ATAD2B: variants seen among roughly 807,000 people sequenced by gnomAD.
The protein encoded by ATAD2B is ATPase family AAA domain containing 2B.
ATAD2B carries 40 observed loss-of-function variants against 167.6 expected under a neutral mutation model. The observed-to-expected ratio is 0.24, with a 90% CI of 0.19 to 0.31. The LOEUF (loss-of-function observed/expected upper bound fraction) is 0.31. ATAD2B is among the 10% of genes least tolerant of loss of function. ATAD2B has a pLI of 1.00. For missense variants in ATAD2B, 1,242 were observed against 1,757.2 expected, an observed-to-expected ratio of 0.71 and a Z score of 5.24; for synonymous variants, 579 against 596.5, an observed-to-expected ratio of 0.97 and a Z score of 0.43.
chr2:23,823,514 C>T lies in ATAD2B; in HGVS notation c.1875G>A (p.Leu625=). 1 of 1,613,620 alleles carries T rather than the reference C, an allele frequency of 6.2e-7. No individual in the cohort carries two copies. The highest frequency in any genetic ancestry group is 8.5e-7 in the Non-Finnish European group (1 of 1,179,896). ...CATAGATCTGGGGATAACGCCTCCG[C>T]AGTGCAATCAGGGCGGCTTCAGTGC... ...ALCTEAALIA[L]RRRYPQIYAS... Residue 625 remains leucine, a synonymous_variant, in exon 16 of 28, where the codon CTG becomes CTA. Coordinates refer to ENST00000238789, the MANE Select transcript of ATAD2B (RefSeq NM_017552.4).
At chr2:23,766,487 AGTT>A (rs1677425422) in intron 22 of ATAD2B, among the ~76,000 whole-genome samples, 1 of 152,336 alleles carries the variant, frequency 6.6e-6, no homozygotes, top group African/African-American at 2.4e-5. Context: ...CTGATTTGAA[AGTT>A]ATTATGGCTC....
chr2:23,700,700 C>G, the ATAD2B span, among the ~76,000 whole-genome samples: 1 of 152,170 alleles, frequency 6.6e-6, no homozygotes, highest in Non-Finnish European at 1.5e-5. This position sits in a 1 kb window ranked among gnomAD's most constrained non-coding sequence, Gnocchi z 4.6. Flanking sequence ...AAATTTCTTC[C>G]AAAAGAAGTC....
chr2:23,867,805 A>G lies in ATAD2B; in HGVS notation c.1188+30T>C, dbSNP rs1032570646. 7 of 1,501,742 alleles carry G rather than the reference A, an allele frequency of 4.7e-6. No homozygotes were observed. The Middle Eastern group carries it at 6.9e-4, about 149-fold the overall frequency. The allele number at this position is 1,501,742 out of a possible 1,614,324, so 93.0% of individuals were successfully genotyped here. On this transcript the variant is annotated intron_variant, in intron 10 of 27. Coordinates refer to ENST00000238789, the MANE Select transcript of ATAD2B (RefSeq NM_017552.4). ...AGAAAAAAACTTTTAAAAAAAAGAA[A>G]ACTTCTAGAAAAACATTTACAAAAC...
At chr2:23,695,776 C>A in the ATAD2B span, 1 of 1,551,276 alleles carries the variant, frequency 6.4e-7, no homozygotes, top group Non-Finnish European at 8.7e-7. The surrounding 1 kb of genome is among the most constrained non-coding windows in gnomAD (Gnocchi z 7.6). Context: ...GCCCCACGCC[C>A]GCCAGGAGAT....
At chr2:23,709,900 C>T in the ATAD2B span, among the ~76,000 whole-genome samples, 1 of 152,228 alleles carries the variant, frequency 6.6e-6, no homozygotes, top group African/African-American at 2.4e-5. Context: ...AAGAGAAACA[C>T]ATTCTCTGGG....
At chr2:23,737,241 G>C in the ATAD2B span, among the ~76,000 whole-genome samples, 6 of 152,224 alleles carry the variant, frequency 3.9e-5, no homozygotes, top group African/African-American at 1.4e-4. Flanking sequence ...AGAACGGGCA[G>C]ACTGCCTCCT....
the ATAD2B span, among the ~76,000 whole-genome samples, chr2:23,712,740 G>A: frequency 6.6e-5 from 10 of 152,092 alleles, no homozygotes; most frequent in African/African-American, 2.2e-4. Context: ...GTGCTGTTGG[G>A]AGTAGACAAA....
At chr2:23,842,057 CCAATCTGA>C (rs1441664989) in intron 13 of ATAD2B, among the ~76,000 whole-genome samples, 1 of 152,066 alleles carries the variant, frequency 6.6e-6, no homozygotes, top group Non-Finnish European at 1.5e-5. Flanking sequence ...TTTGTTTTTG[CCAATCTGA>C]CAATCTTTGT....
At chr2:23,839,297 T>C (rs912297572) in intron 13 of ATAD2B, among the ~76,000 whole-genome samples, 6 of 152,142 alleles carry the variant, frequency 3.9e-5, no homozygotes, top group Non-Finnish European at 7.4e-5. Flanking sequence ...GAAGTGTTCA[T>C]AGCAAAACAA....
intron 24 of ATAD2B, among the ~76,000 whole-genome samples, chr2:23,761,200 C>T (rs1036082312): frequency 5.9e-5 from 9 of 152,196 alleles, no homozygotes; most frequent in East Asian, 1.9e-4. Context: ...ACGGCATCAT[C>T]GAGTCCTTTC....
chr2:23,926,879 G>A lies in ATAD2B; in HGVS notation c.-109C>T. On this transcript the variant is annotated 5_prime_UTR_variant, in exon 1 of 28. Transcript: ENST00000238789. ...GGAGCCGAGCCGGGCAATGAGAGACGAGCCGGCCCGGAGCGTGCGGAGCGC... is the reference window on the plus strand; with the variant it reads ...GGAGCCGAGCCGGGCAATGAGAGACAAGCCGGCCCGGAGCGTGCGGAGCGC... The A allele has an allele frequency of 1.5e-6, 2 of 1,326,176 alleles. No homozygotes were observed. Among genetic ancestry groups the A allele is most frequent in the South Asian group, 1.6e-5 (1 of 63,624 alleles). 82.2% of individuals were successfully genotyped at this position (1,326,176 alleles called of 1,614,324 possible). A position where few individuals can be genotyped will look rare whatever the true frequency, so the allele number is the denominator to read the frequency against.
rs531418494 is a variant in ATAD2B at position 23,875,050 on chromosome 2, C to T, written c.977+779G>A. Among the ~76,000 whole-genome samples the T allele has an allele frequency of 4.9e-4, 25 of 50,972 alleles. No individual in the cohort carries two copies. In the Middle Eastern group the frequency reaches 0.036, roughly 73 times the overall value. The allele number at this position is 50,972 out of a possible 152,430, so 33.4% of individuals were successfully genotyped here. On this transcript the variant is annotated intron_variant, in intron 8 of 27. Coordinates refer to ENST00000238789, the MANE Select transcript of ATAD2B (RefSeq NM_017552.4). ...CAGCCTGGGTGACAGAGCGAGATTC[C>T]ATCTCAAAAAAAAAAAAAAAGGATA...
intron 1 of ATAD2B, among the ~76,000 whole-genome samples, chr2:23,904,401 CG>C (rs933807200): frequency 1.4e-4 from 22 of 152,058 alleles, no homozygotes; most frequent in African/African-American, 5.3e-4. Flanking sequence ...CTGTGAAATG[CG>C]GGGTGGAAAA....
chr2:23,912,227 T>C (rs1007157304), intron 1 of ATAD2B, among the ~76,000 whole-genome samples: 3 of 152,140 alleles, frequency 2.0e-5, no homozygotes, highest in African/African-American at 7.2e-5. Context: ...CCGGGTACAG[T>C]GACTCATACC....
At chr2:23,836,651 C>A (rs556291168) in intron 13 of ATAD2B, among the ~76,000 whole-genome samples, 1 of 152,118 alleles carries the variant, frequency 6.6e-6, no homozygotes, top group African/African-American at 2.4e-5. Flanking sequence ...CTCCTCTCTA[C>A]AGGCAGGTCG....
the ATAD2B span, among the ~76,000 whole-genome samples, chr2:23,716,013 G>A: frequency 0.099 from 15,116 of 152,130 alleles, 847 homozygotes; most frequent in Middle Eastern, 0.16. Context: ...GGGATGTTCT[G>A]TTTGCAAAGT....
intron 19 of ATAD2B, among the ~76,000 whole-genome samples, chr2:23,789,159 G>C (rs1681273653): frequency 6.6e-6 from 1 of 152,004 alleles, no homozygotes; most frequent in African/African-American, 2.4e-5. Context: ...CTCTAGTCTA[G>C]TTTATGCTCC....
At chr2:23,915,413 T>C (rs1702891934) in intron 1 of ATAD2B, among the ~76,000 whole-genome samples, 1 of 150,324 alleles carries the variant, frequency 6.7e-6, no homozygotes, top group Admixed American at 6.6e-5. Flanking sequence ...ACCACTGTTC[T>C]CTGTAACCCA....
At chr2:23,810,558 T>A (rs1005805043) in intron 17 of ATAD2B, 56 bp from the exon 18 acceptor site, 3 of 1,454,174 alleles carry the variant, frequency 2.1e-6, no homozygotes, top group Middle Eastern at 1.8e-4. Flanking sequence ...AAGACAAATA[T>A]GAAATATCAG....
Sources: allele counts gnomAD v4.1 joint callset (sites outside exome capture counted in the v4.1 genomes callset), GRCh38; gene constraint gnomAD v4.1.1; non-coding constraint Gnocchi (gnomAD v3.1); transcripts MANE v1.5; gene names NCBI Gene and HGNC (gene_info 2026-07-23, HGNC 2026-07-21).